Variants in PRIM2 observed in about 807,000 individuals in gnomAD.
PRIM2 encodes DNA primase large subunit.
Under a neutral mutation model 67.3 loss-of-function variants are expected in PRIM2, and 39 were observed. The ratio of observed to expected loss-of-function variants is 0.58; its 90% CI spans 0.45 to 0.76. The LOEUF (loss-of-function observed/expected upper bound fraction) is 0.76. PRIM2 is among the 30% of genes least tolerant of loss of function. The probability of loss-of-function intolerance (pLI) is 0.00; values close to 1 mark genes in which losing one functional copy is unlikely to be tolerated. For synonymous variants in PRIM2, 143 were observed against 198.7 expected (o/e 0.72, Z 2.36); for missense variants, 398 against 598.7 (o/e 0.66, Z 3.50).
the PRIM2 span, among the ~76,000 whole-genome samples, chr6:57,241,181 G>A: frequency 3.4e-5 from 5 of 147,628 alleles, no homozygotes; most frequent in East Asian, 2.0e-4. Context: ...CCGAGATTGC[G>A]CCAGTGCACT....
the PRIM2 span, among the ~76,000 whole-genome samples, chr6:57,230,120 C>A: frequency 2.6e-5 from 4 of 152,210 alleles, no homozygotes; most frequent in Non-Finnish European, 5.9e-5. Flanking sequence ...GAAAACATGT[C>A]CATCCATGGT....
intron 3 of PRIM2, among the ~76,000 whole-genome samples, chr6:57,320,864 C>A: frequency 6.6e-6 from 1 of 152,272 alleles, no homozygotes; most frequent in South Asian, 2.1e-4. Flanking sequence ...TATTTCCAGA[C>A]ATGCCAAATG....
intron 5 of PRIM2, among the ~76,000 whole-genome samples, chr6:57,354,228 T>C (rs1334521429): frequency 1.3e-5 from 2 of 151,840 alleles, no homozygotes; most frequent in Admixed American, 1.3e-4. Context: ...TCTCCTTCCA[T>C]GCTTTCCTTC....
At chr6:57,483,796 C>G (rs1581946091) in intron 7 of PRIM2, among the ~76,000 whole-genome samples, 1 of 152,076 alleles carries the variant, frequency 6.6e-6, no homozygotes, top group African/African-American at 2.4e-5. Context: ...TCACTAAGAC[C>G]TGGTATTTCA....
chr6:57,485,042 A>G (rs2127407018), intron 7 of PRIM2, among the ~76,000 whole-genome samples: 1 of 152,316 alleles, frequency 6.6e-6, no homozygotes, highest in South Asian at 2.1e-4. Context: ...AGGCTTGCCT[A>G]ATTAAGTTGT....
intron 7 of PRIM2, among the ~76,000 whole-genome samples, chr6:57,456,690 GT>G (rs368450861): frequency 4.7e-5 from 7 of 149,190 alleles, no homozygotes; most frequent in East Asian, 2.0e-4. Flanking sequence ...CATTCGTCTA[GT>G]TTTTTTTTTC....
intron 10 of PRIM2, among the ~76,000 whole-genome samples, chr6:57,549,712 A>G (rs1775362055): frequency 6.6e-6 from 1 of 152,168 alleles, no homozygotes; most frequent in African/African-American, 2.4e-5. Flanking sequence ...CTAATTGCCT[A>G]TGTTTTGGTT....
intron 10 of PRIM2, among the ~76,000 whole-genome samples, chr6:57,564,512 G>GT (rs1775698499): frequency 6.6e-6 from 1 of 152,020 alleles, no homozygotes; most frequent in African/African-American, 2.4e-5. Context: ...GAAATTATAA[G>GT]TTTTCTTTCT....
At chr6:57,328,620 GT>G (rs1277087551) in intron 5 of PRIM2, among the ~76,000 whole-genome samples, 1 of 152,222 alleles carries the variant, frequency 6.6e-6, no homozygotes, top group Non-Finnish European at 1.5e-5. Flanking sequence ...TAACGCTACA[GT>G]GAATATTTGT....
chr6:57,373,339 GAT>G (rs937462127), intron 5 of PRIM2, among the ~76,000 whole-genome samples: 3 of 151,178 alleles, frequency 2.0e-5, no homozygotes, highest in Non-Finnish European at 2.9e-5. Flanking sequence ...GTTCCTTATA[GAT>G]ACTGGATATT....
chr6:57,273,300 A>G, the PRIM2 span, among the ~76,000 whole-genome samples: 1 of 152,144 alleles, frequency 6.6e-6, no homozygotes. Flanking sequence ...ACATAGTCCC[A>G]TATTTCTTGG....
intron 13 of PRIM2, among the ~76,000 whole-genome samples, chr6:57,642,024 A>G (rs1374213388): frequency 6.6e-6 from 1 of 152,252 alleles, no homozygotes; most frequent in Admixed American, 6.5e-5. Flanking sequence ...AATGTGGCAC[A>G]TATACAACAT....
At chr6:57,276,988 G>A in the PRIM2 span, among the ~76,000 whole-genome samples, 1 of 152,136 alleles carries the variant, frequency 6.6e-6, no homozygotes, top group African/African-American at 2.4e-5. Flanking sequence ...AAAAGGAGAG[G>A]AGGAAGAGGA....
intron 5 of PRIM2, among the ~76,000 whole-genome samples, chr6:57,344,362 TA>T (rs1768599960): frequency 6.6e-6 from 1 of 152,106 alleles, no homozygotes; most frequent in Non-Finnish European, 1.5e-5. Context: ...AAATATTAGA[TA>T]ATAGGTATAT....
intron 10 of PRIM2, among the ~76,000 whole-genome samples, chr6:57,544,231 C>G (rs1248556894): frequency 0.73 from 110,842 of 151,334 alleles, 41,406 homozygotes; most frequent in African/African-American, 0.89. Context: ...GTTTATGGCG[C>G]GGTTGGAATG....
chr6:57,539,114 A>C (rs1330574637), intron 10 of PRIM2, among the ~76,000 whole-genome samples: 2 of 152,282 alleles, frequency 1.3e-5, no homozygotes, highest in South Asian at 2.1e-4. Flanking sequence ...TATCCATAGA[A>C]TCTTAATGAA....
At chr6:57,272,027 T>G in the PRIM2 span, among the ~76,000 whole-genome samples, 997 of 152,356 alleles carry the variant, frequency 6.5e-3, 15 homozygotes, top group African/African-American at 0.023. Context: ...TTACATTTGC[T>G]GAGGAGTGCT....
intron 10 of PRIM2, among the ~76,000 whole-genome samples, chr6:57,577,538 C>T (rs1775986609): frequency 6.6e-6 from 1 of 151,112 alleles, no homozygotes; most frequent in African/African-American, 2.4e-5. Context: ...AAGCGATTCT[C>T]CTGCCTCAGC....
chr6:57,499,743 C>T (rs1284381486), intron 7 of PRIM2, among the ~76,000 whole-genome samples: 3 of 152,166 alleles, frequency 2.0e-5, no homozygotes, highest in Non-Finnish European at 4.4e-5. Context: ...CAGTCATGAA[C>T]CTAGTGATGG....
Sources: gnomAD v4.1 joint callset for allele counts (sites outside exome capture counted in the v4.1 genomes callset) on GRCh38, gnomAD v4.1.1 for gene constraint, MANE v1.5 for transcripts, NCBI Gene and HGNC (gene_info 2026-07-23, HGNC 2026-07-21) for gene names.